CILP2: variants seen among roughly 807,000 people sequenced by gnomAD.
CILP2 encodes CILP-2.
In CILP2, 38 loss-of-function variants were observed where a neutral mutation model predicts 45.6. The observed-to-expected ratio is 0.83, with a 90% CI of 0.64 to 1.09. The LOEUF is 1.09. Among genes scored for constraint, CILP2 ranks in the 50% least tolerant of loss-of-function variants. CILP2 has a pLI of 0.00. For synonymous variants in CILP2, 780 were observed against 723.5 expected (o/e 1.08, Z -1.25); for missense variants, 1,735 against 1,662.2 (o/e 1.04, Z -0.76).
chr19:19,541,048 C>G, intron 3 of CILP2, 43 bp from the exon 4 acceptor site: 1 of 1,242,852 alleles, frequency 8.0e-7, no homozygotes, highest in South Asian at 3.8e-5. Flanking sequence ...GGCGCAGTTC[C>G]TGGGGAGGGC....
rs377660656 is a variant in CILP2 at position 19,540,201 on chromosome 19, C to T, written c.164-3C>T. On this transcript the variant is annotated splice_polypyrimidine_tract_variant and splice_region_variant and intron_variant, in intron 2 of 7. Transcript: ENST00000291495. ...CTGGTCCCAGCGCGTGCGGTGCCCGCAGAGGCCAGCGAGTGGACGTCCTGG... is the reference window on the plus strand; with the variant it reads ...CTGGTCCCAGCGCGTGCGGTGCCCGTAGAGGCCAGCGAGTGGACGTCCTGG... 83 of 1,580,332 alleles carry T rather than the reference C, an allele frequency of 5.3e-5. No homozygotes were observed. The highest frequency in any genetic ancestry group is 6.3e-5 in the Non-Finnish European group (73 of 1,166,674).
rs368883992 is a variant in CILP2, at chr19:19,544,955, G to A, written c.2410G>A (p.Ala804Thr). The change falls in exon 8 of 8, where the codon GCC becomes ACC. Residue 804 changes from alanine to threonine, a missense_variant. By Grantham distance (58) the Ala-to-Thr change is moderately conservative (BLOSUM62 0). Coordinates refer to ENST00000291495, the MANE Select transcript of CILP2 (RefSeq NM_153221.2). ...CTTCTGCGACGCCGACAGGCCAGAC[G>A]CCTACACCGCCCTGGTCACCGCCAC... Reference protein sequence around the residue: ...PAFCDADRPDAYTALVTATLG... With the variant: ...PAFCDADRPDTYTALVTATLG... 6 of 1,596,416 alleles carry A rather than the reference G, an allele frequency of 3.8e-6. No individual in the cohort carries two copies. The highest frequency in any genetic ancestry group is 2.7e-5 in the African/African-American group (2 of 74,820).
At chr19:19,539,005 C>A (rs1186809305) in intron 1 of CILP2, among the ~76,000 whole-genome samples, 2 of 152,202 alleles carry the variant, frequency 1.3e-5, no homozygotes, top group African/African-American at 2.4e-5. Flanking sequence ...GAGGGGGAGC[C>A]CAGCCTGAGG....
intron 1 of CILP2, 83 bp downstream of exon 1, chr19:19,538,496 G>T (rs2061231032): frequency 8.6e-7 from 1 of 1,160,412 alleles, no homozygotes; most frequent in East Asian, 3.1e-5. Context: ...CGCACTCGGG[G>T]AGAGAACCCA....
Position 19,541,143 on chromosome 19 carries a change from G to T in CILP2, c.489G>T (p.Gly163=), listed in dbSNP as rs553692248. ...GGGGTCCCTGCTCGGGGAGCTGTGG[G>T]CCAGGCCGTCGCTTGCGCCGCCGCC... ...GPWGPCSGSC[G]PGRRLRRRHC... is the part of the protein sequence containing the mutation. Residue 163 remains glycine, a synonymous_variant, in exon 4 of 8, where the codon GGG becomes GGT. Coordinates refer to ENST00000291495, the MANE Select transcript of CILP2 (RefSeq NM_153221.2). 13 of 1,261,786 alleles carry T rather than the reference G, an allele frequency of 1.0e-5. No homozygotes were observed. In the East Asian group the frequency reaches 3.3e-4, roughly 32 times the overall value. 78.2% of individuals were successfully genotyped at this position (1,261,786 alleles called of 1,614,324 possible).
At position 19,545,980 on chromosome 19, in the gene CILP2, T is replaced by G; in HGVS notation, c.3435T>G (p.Gly1145=). The G allele has an allele frequency of 6.6e-7, 1 of 1,519,962 alleles. No homozygotes were observed. Among genetic ancestry groups the G allele is most frequent in the Non-Finnish European group, 8.8e-7 (1 of 1,132,078 alleles). The allele number at this position is 1,519,962 out of a possible 1,614,324, so 94.2% of individuals were successfully genotyped here. A position where few individuals can be genotyped will look rare whatever the true frequency, so the allele number is the denominator to read the frequency against. Residue 1145 remains glycine, a synonymous_variant, in exon 8 of 8, where the codon GGT becomes GGG. Coordinates refer to ENST00000291495, the MANE Select transcript of CILP2 (RefSeq NM_153221.2). ...CGCAGGCACAGGCCCGGGCCTCAGG[T>G]CCCCTCCGCACCCGCCGGGGTAGGG... ...EAAQAQARAS[G]PLRTRRGRVR...
chr19:19,542,347 G>C (rs1250290868), intron 4 of CILP2, 28 bp from the exon 5 acceptor site: 1 of 1,593,820 alleles, frequency 6.3e-7, no homozygotes, highest in East Asian at 2.2e-5. Context: ...AGGTTTCTCT[G>C]TCCTGCTTCC....
At chr19:19,539,580 A>AAAAAGAG in intron 1 of CILP2, 99 bp from the exon 2 acceptor site, 1 of 549,312 alleles carries the variant, frequency 1.8e-6, no homozygotes, top group South Asian at 4.2e-5. Flanking sequence ...AAAAAAAAAA[A>AAAAAGAG]GGGGGGGGAT....
chr19:19,540,742 C>T (rs964305563), intron 3 of CILP2: 2 of 461,480 alleles, frequency 4.3e-6, no homozygotes, highest in Non-Finnish European at 7.5e-6. Flanking sequence ...ATGTCCGGCC[C>T]CCTGGAACGC....
At position 19,540,292 on chromosome 19, in the gene CILP2, C is replaced by T. The variant is rs773637814; in HGVS notation, c.252C>T (p.Tyr84=). ...GCCTGGCTGCCATCCGCTTCTACTA[C>T]GGGCCAGCGCGCGTGTGCCCGCGAC... ...FESLAAIRFY[Y]GPARVCPRPL... Residue 84 remains tyrosine (Y), a synonymous_variant, in exon 3 of 8, where the codon TAC becomes TAT. Coordinates refer to ENST00000291495, the MANE Select transcript of CILP2 (RefSeq NM_153221.2). 3 of 1,593,066 alleles carry T rather than the reference C, an allele frequency of 1.9e-6. No individual in the cohort carries two copies. Among genetic ancestry groups the T allele is most frequent in the African/African-American group, 1.4e-5 (1 of 74,072 alleles).
In CILP2 at chr19:19,543,791, C is replaced by A; in HGVS notation, c.1246C>A (p.Pro416Thr). 1 of 1,613,926 alleles carries A rather than the reference C, an allele frequency of 6.2e-7. No homozygotes were observed. The highest frequency in any genetic ancestry group is 8.5e-7 in the Non-Finnish European group (1 of 1,179,958). Residue 416 changes from proline to threonine, a missense_variant, in exon 8 of 8, where the codon CCC becomes ACC. Transcript: ENST00000291495. The stretch of plus-strand genomic sequence containing the variant: ...TGCCTACCTGGATGTGGGCCTCTGT[C>A]CCGACACCCGCTGCCCCAGCCTGGC... Reference protein sequence around the residue: ...GPAYLDVGLCPDTRCPSLAGS... With the variant: ...GPAYLDVGLCTDTRCPSLAGS...
intron 5 of CILP2, 65 bp downstream of exon 5, chr19:19,542,715 G>A (rs34067609): frequency 0.16 from 254,436 of 1,587,252 alleles, 21,229 homozygotes; most frequent in Middle Eastern, 0.24. Flanking sequence ...TCTAGCACTC[G>A]ATCAAGAGAG....
At chr19:19,540,110 G>T (rs367559795) in intron 2 of CILP2, 94 bp from the exon 3 acceptor site, 27 of 1,393,454 alleles carry the variant, frequency 1.9e-5, no homozygotes, top group Non-Finnish European at 2.5e-5. Flanking sequence ...GTGCCCACCG[G>T]GGGAGGGGGC....
rs757984925 is a variant in CILP2, at chr19:19,544,712, G to A, written c.2167G>A (p.Glu723Lys). 1.9e-6 allele frequency: 3 copies of A among 1,593,870 alleles called. No homozygotes were observed. The South Asian group carries it at 3.3e-5, about 18-fold the overall frequency. ...VFLVGNVEIRERRLFNLDVPE... is the reference protein window; with the variant it reads ...VFLVGNVEIRKRRLFNLDVPE... ...CCTGGTGGGCAACGTGGAGATCCGG[G>A]AGCGGCGCCTGTTCAATCTGGACGT... The change falls in exon 8 of 8, where the codon GAG (glutamate) becomes AAG (lysine). Residue 723 changes from glutamate to lysine, a missense_variant. Transcript: ENST00000291495.
rs112213802 is a variant in CILP2, at chr19:19,544,743, A to G, written c.2198A>G (p.Glu733Gly). ...CGCCTGTTCAATCTGGACGTGCCTG[A>G]GCGCCGCCGCTGCTTCGTGAAGGTG... is the stretch of plus-strand genomic sequence containing the variant. The part of the protein sequence containing the change: ...ERRLFNLDVP[E>G]RRRCFVKVRA... Residue 733 changes from glutamate to glycine, a missense_variant, in exon 8 of 8, where the codon GAG becomes GGG. Transcript: ENST00000291495. The G allele has an allele frequency of 6.2e-7, 1 of 1,605,216 alleles. No individual in the cohort carries two copies. Among genetic ancestry groups the G allele is most frequent in the Non-Finnish European group, 8.5e-7 (1 of 1,178,816 alleles).
chr19:19,544,836 A>G lies in CILP2; in HGVS notation c.2291A>G (p.Asn764Ser), dbSNP rs2061257761. 1.2e-6 allele frequency: 2 copies of G among 1,601,310 alleles called. No homozygotes were observed. The highest frequency in any genetic ancestry group is 1.7e-6 in the Non-Finnish European group (2 of 1,179,274). ...QVEGVVVTLV[N>S]LEPAPGFSAN... ...GAGGGCGTGGTGGTCACGCTGGTCA[A>G]TCTGGAGCCCGCCCCCGGCTTCTCC... is the stretch of plus-strand genomic sequence containing the variant. Residue 764 changes from asparagine to serine, a missense_variant, in exon 8 of 8, where the codon AAT becomes AGT. Physicochemically the swap from Asn to Ser is conservative, Grantham distance 46. Coordinates refer to ENST00000291495, the MANE Select transcript of CILP2 (RefSeq NM_153221.2).
chr19:19,540,591 T>C, intron 3 of CILP2, 115 bp downstream of exon 3: 1 of 1,138,728 alleles, frequency 8.8e-7, no homozygotes, highest in Non-Finnish European at 1.1e-6. Context: ...GGTGTGGGCG[T>C]GGCTGGGAAG....
At position 19,541,136 on chromosome 19, in the gene CILP2, G is replaced by A; in HGVS notation, c.482G>A (p.Ser161Asn). Residue 161 changes from serine to asparagine, a missense_variant, in exon 4 of 8, where the codon AGC becomes AAC. Ser to Asn is a conservative substitution (Grantham distance 46, BLOSUM62 1). Transcript: ENST00000291495. ...GGCCCGTGGGGTCCCTGCTCGGGGAGCTGTGGGCCAGGCCGTCGCTTGCGC... is the reference window on the plus strand; with the variant it reads ...GGCCCGTGGGGTCCCTGCTCGGGGAACTGTGGGCCAGGCCGTCGCTTGCGC... ...AWGPWGPCSG[S>N]CGPGRRLRRR... The A allele has an allele frequency of 4.0e-6, 5 of 1,260,386 alleles. No homozygotes were observed. Among genetic ancestry groups the A allele is most frequent in the Non-Finnish European group, 2.0e-6 (2 of 1,002,546 alleles). 78.1% of individuals were successfully genotyped at this position (1,260,386 alleles called of 1,614,324 possible).
At position 19,539,685 on chromosome 19, in the gene CILP2, C is replaced by A. The variant is rs1362730004; in HGVS notation, c.71C>A (p.Thr24Asn). The A allele has an allele frequency of 6.3e-7, 1 of 1,585,674 alleles. No homozygotes were observed. The highest frequency in any genetic ancestry group is 8.6e-7 in the Non-Finnish European group (1 of 1,164,468). ...CCCCACTCCTCACCCACAGACGCCA[C>A]CCCCACCGAGGAGCCAATGGCGACT... is the stretch of plus-strand genomic sequence containing the variant. ...AAHLAGARDA[T>N]PTEEPMATAL... Residue 24 changes from threonine to asparagine, a missense_variant, in exon 2 of 8, where the codon ACC (threonine) becomes AAC (asparagine). By Grantham distance (65) the Thr-to-Asn change is moderately conservative. Coordinates refer to ENST00000291495, the MANE Select transcript of CILP2 (RefSeq NM_153221.2).
Sources: allele counts gnomAD v4.1 joint callset (sites outside exome capture counted in the v4.1 genomes callset), GRCh38; gene constraint gnomAD v4.1.1; transcripts MANE v1.5; gene names NCBI Gene and HGNC (gene_info 2026-07-23, HGNC 2026-07-21).